NXPH1: variants seen among roughly 807,000 people sequenced by gnomAD.
The protein encoded by NXPH1 is neurexophilin-1.
Under a neutral mutation model 23.7 loss-of-function variants are expected in NXPH1, and 5 were observed. The ratio of observed to expected loss-of-function variants is 0.21; its 90% confidence interval spans 0.11 to 0.44. The LOEUF is 0.44. NXPH1 is among the 20% of genes least tolerant of loss of function. NXPH1 has a pLI of 0.99. For synonymous variants in NXPH1, 144 were observed against 122.2 expected, an observed-to-expected ratio of 1.18 and a Z score of -1.18; for missense variants, 324 against 321.6, an observed-to-expected ratio of 1.01 and a Z score of -0.06.
At chr7:8,719,720 A>G (rs769845569) in intron 2 of NXPH1, among the ~76,000 whole-genome samples, 1 of 152,220 alleles carries the variant, frequency 6.6e-6, no homozygotes, top group East Asian at 1.9e-4. Context: ...CCACTATGCC[A>G]TACTACTTAA....
intron 2 of NXPH1, among the ~76,000 whole-genome samples, chr7:8,594,088 T>G (rs1173934675): frequency 6.6e-6 from 1 of 152,006 alleles, no homozygotes; most frequent in African/African-American, 2.4e-5. Flanking sequence ...AAGCCAGAAT[T>G]CTTCAAGATC....
intron 2 of NXPH1, among the ~76,000 whole-genome samples, chr7:8,610,593 G>A (rs545415786): frequency 1.3e-5 from 2 of 152,154 alleles, no homozygotes; most frequent in East Asian, 3.9e-4. Flanking sequence ...AGAGAAAGAA[G>A]GAGAATATGT....
At chr7:8,656,975 C>T (rs1820593570) in intron 2 of NXPH1, among the ~76,000 whole-genome samples, 1 of 152,194 alleles carries the variant, frequency 6.6e-6, no homozygotes, top group South Asian at 2.1e-4. Flanking sequence ...TTTTGGTCCT[C>T]ATTCCAATTG....
rs151320931 is a variant in NXPH1 at position 8,562,236 on chromosome 7, A to G, written c.54+126469A>G. 7.2e-3 allele frequency among the ~76,000 whole-genome samples: 1,095 copies of G among 151,862 alleles called. 3 individuals are homozygous for G. Among genetic ancestry groups the G allele is most frequent in the Middle Eastern group, 0.017 (5 of 294 alleles). On this transcript the variant is annotated intron_variant, in intron 2 of 2. Transcript: ENST00000405863. ...TCAGCTTCCTCCCAAGAGATTGAAG[A>G]GGCTTTTTAAGAAGAGGTTGGAACA...
At chr7:8,477,784 T>C (rs750252974) in intron 2 of NXPH1, among the ~76,000 whole-genome samples, 9 of 152,156 alleles carry the variant, frequency 5.9e-5, no homozygotes, top group Non-Finnish European at 1.3e-4. Flanking sequence ...AAATCATCAC[T>C]GTCTAGTTAG....
intron 2 of NXPH1, among the ~76,000 whole-genome samples, chr7:8,744,287 T>G (rs151065937): frequency 2.0e-3 from 307 of 152,184 alleles, no homozygotes; most frequent in African/African-American, 7.0e-3. Flanking sequence ...GCCAGCTCCT[T>G]TGGTAATGGG....
chr7:8,635,546 T>C (rs1260929181), intron 2 of NXPH1, among the ~76,000 whole-genome samples: 1 of 152,136 alleles, frequency 6.6e-6, no homozygotes, highest in African/African-American at 2.4e-5. Flanking sequence ...GTTATGGGTA[T>C]AGAAAAAAGA....
intron 2 of NXPH1, among the ~76,000 whole-genome samples, chr7:8,740,555 T>C (rs1322479253): frequency 6.6e-6 from 1 of 152,188 alleles, no homozygotes; most frequent in East Asian, 1.9e-4. Flanking sequence ...ATTCTCTTAG[T>C]TCCTATGTAA....
chr7:8,630,692 C>G (rs1820107451), intron 2 of NXPH1, among the ~76,000 whole-genome samples: 1 of 152,082 alleles, frequency 6.6e-6, no homozygotes, highest in African/African-American at 2.4e-5. Flanking sequence ...TACTACTGAG[C>G]CAAAGTCAAA....
intron 2 of NXPH1, among the ~76,000 whole-genome samples, chr7:8,530,500 G>T (rs1159225817): frequency 6.6e-6 from 1 of 152,166 alleles, no homozygotes; most frequent in Admixed American, 6.6e-5. Context: ...AGACATCTAA[G>T]ACCTTTGATC....
chr7:8,556,721 A>G (rs563809679), intron 2 of NXPH1, among the ~76,000 whole-genome samples: 1 of 151,882 alleles, frequency 6.6e-6, no homozygotes, highest in East Asian at 2.0e-4. Context: ...AGACTGCTAT[A>G]TATTGTGTTA....
intron 2 of NXPH1, among the ~76,000 whole-genome samples, chr7:8,448,500 C>CA (rs1048639287): frequency 6.6e-6 from 1 of 152,100 alleles, no homozygotes; most frequent in African/African-American, 2.4e-5. Flanking sequence ...TGGATAGTTA[C>CA]CTTTACGATT....
chr7:8,497,253 C>G (rs1037606710), intron 2 of NXPH1, among the ~76,000 whole-genome samples: 5 of 152,090 alleles, frequency 3.3e-5, no homozygotes, highest in Admixed American at 6.6e-5. Flanking sequence ...TCTTAATCCA[C>G]TCTATCATTG....
At chr7:8,569,928 G>A (rs1818614662) in intron 2 of NXPH1, among the ~76,000 whole-genome samples, 2 of 151,866 alleles carry the variant, frequency 1.3e-5, no homozygotes, top group Non-Finnish European at 2.9e-5. Flanking sequence ...CATTTGTGAT[G>A]TGAAAATAAT....
chr7:8,450,626 T>C (rs1037579169), intron 2 of NXPH1, among the ~76,000 whole-genome samples: 2 of 152,256 alleles, frequency 1.3e-5, no homozygotes, highest in African/African-American at 4.8e-5. Flanking sequence ...CTGGCTTCAT[T>C]TCAGTCTTGT....
intron 2 of NXPH1, among the ~76,000 whole-genome samples, chr7:8,512,289 T>G (rs545151901): frequency 6.6e-6 from 1 of 152,310 alleles, no homozygotes; most frequent in Non-Finnish European, 1.5e-5. Context: ...CCTTATATTT[T>G]TGTAACCCTT....
chr7:8,743,744 C>T (rs1261301891), intron 2 of NXPH1, among the ~76,000 whole-genome samples: 8 of 149,134 alleles, frequency 5.4e-5, no homozygotes, highest in Non-Finnish European at 5.9e-5. Context: ...AGTGCAGTGG[C>T]GTGATCTTGG....
intron 2 of NXPH1, among the ~76,000 whole-genome samples, chr7:8,618,981 T>C (rs190741055): frequency 3.2e-4 from 49 of 152,266 alleles, no homozygotes; most frequent in African/African-American, 1.0e-3. Flanking sequence ...TTGAAATCTT[T>C]TCAGTTTGTG....
chr7:8,748,353 C>G (rs962146840), intron 2 of NXPH1, among the ~76,000 whole-genome samples: 2 of 152,290 alleles, frequency 1.3e-5, no homozygotes, highest in Admixed American at 1.3e-4. Flanking sequence ...GTACTTACAA[C>G]TAAAAAAAAG....
Sources: allele counts gnomAD v4.1 joint callset (sites outside exome capture counted in the v4.1 genomes callset), GRCh38; gene constraint gnomAD v4.1.1; transcripts MANE v1.5; gene names NCBI Gene and HGNC (gene_info 2026-07-23, HGNC 2026-07-21).